SIL1: variants seen among roughly 807,000 people sequenced by gnomAD.
The protein encoded by SIL1 is SIL1 nucleotide exchange factor.
Under a neutral mutation model 49.1 loss-of-function variants are expected in SIL1, and 40 were observed. That is an observed-to-expected ratio of 0.81 (90% CI 0.63 to 1.06). The LOEUF (loss-of-function observed/expected upper bound fraction) is 1.06. Among genes scored for constraint, SIL1 ranks in the 50% least tolerant of loss-of-function variants. The pLI, the probability that SIL1 is intolerant of heterozygous loss-of-function variation, is 0.00. For synonymous variants in SIL1, 253 were observed against 250.8 expected (o/e 1.01, Z -0.08); for missense variants, 500 against 572.6 (o/e 0.87, Z 1.29).
chr5:139,167,110 C>A (rs1358010057), intron 1 of SIL1, among the ~76,000 whole-genome samples: 1 of 152,178 alleles, frequency 6.6e-6, no homozygotes, highest in African/African-American at 2.4e-5. Context: ...CCGCGCCCAG[C>A]CTTTGTCTTG....
chr5:139,091,831 T>A (rs1409656009), intron 3 of SIL1, among the ~76,000 whole-genome samples: 1 of 152,164 alleles, frequency 6.6e-6, no homozygotes, highest in Admixed American at 6.5e-5. Flanking sequence ...CTACATCAAC[T>A]ATGAAATAAT....
At chr5:139,030,190 C>A (rs1320596342) in intron 5 of SIL1, among the ~76,000 whole-genome samples, 1 of 151,870 alleles carries the variant, frequency 6.6e-6, no homozygotes, top group Non-Finnish European at 1.5e-5. Context: ...TTTGGCCAGG[C>A]GCAGTGGCTC....
At chr5:139,140,522 T>C (rs1410080609) in intron 1 of SIL1, among the ~76,000 whole-genome samples, 1 of 152,210 alleles carries the variant, frequency 6.6e-6, no homozygotes, top group Non-Finnish European at 1.5e-5. Flanking sequence ...CTATTTATAA[T>C]ACCAGATCCT....
chr5:139,040,840 C>A (rs954556466), intron 5 of SIL1, among the ~76,000 whole-genome samples: 2 of 152,070 alleles, frequency 1.3e-5, no homozygotes, highest in African/African-American at 4.8e-5. Flanking sequence ...CTTGGTTATA[C>A]ATTTTGAAAT....
chr5:139,068,477 G>A (rs909110545), intron 3 of SIL1, among the ~76,000 whole-genome samples: 1 of 152,034 alleles, frequency 6.6e-6, no homozygotes, highest in African/African-American at 2.4e-5. Context: ...AATACGGCTA[G>A]AAGTGAAATC....
chr5:139,073,978 A>C (rs1032306246), intron 3 of SIL1, among the ~76,000 whole-genome samples: 8 of 152,220 alleles, frequency 5.3e-5, no homozygotes, highest in African/African-American at 1.9e-4. Flanking sequence ...AAGTGTTCTC[A>C]CCAAAAATAT....
rs756550851 is a variant in SIL1, at chr5:139,027,038, G to C, written c.454-46C>G. On this transcript the variant is annotated intron_variant, in intron 5 of 9. Transcript: ENST00000394817. ...GTGATTAAATTGGTTGGAGACATCTGCCCAAGATGTCTGTGGTCTACCATG... is the reference window on the plus strand; with the variant it reads ...GTGATTAAATTGGTTGGAGACATCTCCCCAAGATGTCTGTGGTCTACCATG... The C allele has an allele frequency of 3.2e-6, 5 of 1,578,628 alleles. No individual in the cohort carries two copies. In the East Asian group the frequency reaches 1.1e-4, roughly 35 times the overall value.
At chr5:139,008,782 T>C (rs1305615176) in intron 7 of SIL1, among the ~76,000 whole-genome samples, 1 of 152,008 alleles carries the variant, frequency 6.6e-6, no homozygotes, top group Non-Finnish European at 1.5e-5. Flanking sequence ...TTGAGTGAGA[T>C]TCTTAATCCT....
intron 1 of SIL1, among the ~76,000 whole-genome samples, chr5:139,192,959 T>C (rs1328232439): frequency 6.8e-5 from 9 of 133,310 alleles, no homozygotes; most frequent in African/African-American, 2.3e-4. Flanking sequence ...ATCACGCCAT[T>C]GCACTCCAGC....
intron 7 of SIL1, among the ~76,000 whole-genome samples, chr5:138,980,072 A>T (rs1767482449): frequency 6.6e-6 from 1 of 152,232 alleles, no homozygotes; most frequent in Non-Finnish European, 1.5e-5. Context: ...AGGGGGCTCT[A>T]GGCTCTTGCT....
chr5:139,085,856 C>T (rs1770206312), intron 3 of SIL1, among the ~76,000 whole-genome samples: 1 of 152,080 alleles, frequency 6.6e-6, no homozygotes. Context: ...AAAGTGAAGA[C>T]AGAAGAAACA....
At chr5:139,182,251 A>G (rs1481596141) in intron 1 of SIL1, among the ~76,000 whole-genome samples, 3 of 152,170 alleles carry the variant, frequency 2.0e-5, no homozygotes, top group African/African-American at 7.2e-5. Flanking sequence ...TCTAAGGAGA[A>G]GATTGCCCTC....
intron 3 of SIL1, among the ~76,000 whole-genome samples, chr5:139,118,712 T>C (rs1750535983): frequency 1.3e-5 from 2 of 152,218 alleles, no homozygotes; most frequent in Non-Finnish European, 2.9e-5. Context: ...ATTCAGAATG[T>C]GGTAAATTAA....
At chr5:138,983,069 C>T (rs529077123) in intron 7 of SIL1, among the ~76,000 whole-genome samples, 1 of 151,842 alleles carries the variant, frequency 6.6e-6, no homozygotes, top group Admixed American at 6.6e-5. Flanking sequence ...TGGCGGCTTG[C>T]ACCTATTAGT....
intron 3 of SIL1, among the ~76,000 whole-genome samples, chr5:139,061,562 TC>T (rs1205475607): frequency 6.6e-6 from 1 of 152,256 alleles, no homozygotes; most frequent in African/African-American, 2.4e-5. Context: ...TGTTTCTGAA[TC>T]TTCATGCCCT....
chr5:139,037,482 A>G (rs1371407860), intron 5 of SIL1, among the ~76,000 whole-genome samples: 1 of 152,184 alleles, frequency 6.6e-6, no homozygotes, highest in Non-Finnish European at 1.5e-5. Context: ...CACAAATGTT[A>G]GATCTTTTGT....
intron 1 of SIL1, among the ~76,000 whole-genome samples, chr5:139,176,669 C>G (rs1247382794): frequency 6.6e-6 from 1 of 152,084 alleles, no homozygotes; most frequent in African/African-American, 2.4e-5. Context: ...TCCTCACATG[C>G]AGAAGAGGCA....
At chr5:139,179,235 GA>G (rs1236976612) in intron 1 of SIL1, among the ~76,000 whole-genome samples, 2 of 152,184 alleles carry the variant, frequency 1.3e-5, no homozygotes, top group East Asian at 3.8e-4. Flanking sequence ...CCCCCTGAAA[GA>G]AATGAGTAAT....
intron 1 of SIL1, among the ~76,000 whole-genome samples, chr5:139,193,586 G>A (rs1371825855): frequency 1.3e-5 from 2 of 151,986 alleles, no homozygotes; most frequent in Non-Finnish European, 2.9e-5. Context: ...ATTCCACTGG[G>A]GAGTAGACAA....
Sources: gnomAD v4.1 joint callset for allele counts (sites outside exome capture counted in the v4.1 genomes callset) on GRCh38, gnomAD v4.1.1 for gene constraint, MANE v1.5 for transcripts, NCBI Gene and HGNC (gene_info 2026-07-23, HGNC 2026-07-21) for gene names.